The following SGSM1 variants were observed in gnomAD, a reference collection of about 807,000 sequenced individuals.
SGSM1 encodes the protein RUN and TBC1 domain containing 2.
Under a neutral mutation model 133.8 loss-of-function variants are expected in SGSM1, and 73 were observed. The observed-to-expected ratio is 0.55, with a 90% CI of 0.45 to 0.66. The LOEUF is 0.66. SGSM1 is among the 30% of genes least tolerant of loss of function. The probability of loss-of-function intolerance (pLI) is 0.00; values close to 1 mark genes in which losing one functional copy is unlikely to be tolerated. For synonymous variants in SGSM1, 563 were observed against 573.0 expected (o/e 0.98, Z 0.25); for missense variants, 1,213 against 1,448.1 (o/e 0.84, Z 2.64).
At chr22:24,904,832 AG>A (rs1387773799) in intron 20 of SGSM1, among the ~76,000 whole-genome samples, 2 of 152,186 alleles carry the variant, frequency 1.3e-5, no homozygotes, top group African/African-American at 4.8e-5. Flanking sequence ...TTGTACCCCC[AG>A]TAAAGGAGTT....
intron 2 of SGSM1, among the ~76,000 whole-genome samples, chr22:24,809,831 A>C (rs762792632): frequency 1.2e-4 from 19 of 152,182 alleles, no homozygotes; most frequent in Middle Eastern, 3.2e-3. Context: ...TGTGAAGGAG[A>C]GGCACCCGGG....
intron 3 of SGSM1, among the ~76,000 whole-genome samples, chr22:24,845,951 TTC>T (rs1437585541): frequency 4.9e-5 from 4 of 81,066 alleles, no homozygotes; most frequent in African/African-American, 1.6e-4. Context: ...TTTTCTTTCT[TTC>T]TTTCTTTCTT....
At chr22:24,814,899 C>G (rs1205196923) in intron 2 of SGSM1, among the ~76,000 whole-genome samples, 1 of 152,194 alleles carries the variant, frequency 6.6e-6, no homozygotes, top group East Asian at 1.9e-4. Context: ...GGGAGGGCAG[C>G]TGGGTCTTCC....
chr22:24,807,888 CGTGTGTGTGT>C (rs71189301), intron 2 of SGSM1, among the ~76,000 whole-genome samples: 6 of 147,666 alleles, frequency 4.1e-5, no homozygotes, highest in African/African-American at 1.0e-4. Flanking sequence ...TATGTGCCTG[CGTGTGTGTGT>C]GTGTGTGTGT....
At chr22:24,817,596 C>T (rs1483713320) in intron 2 of SGSM1, among the ~76,000 whole-genome samples, 1 of 152,162 alleles carries the variant, frequency 6.6e-6, no homozygotes, top group Non-Finnish European at 1.5e-5. Context: ...CGCGATCTTC[C>T]CACCTCAGCC....
intron 5 of SGSM1, among the ~76,000 whole-genome samples, chr22:24,854,762 G>C (rs986218290): frequency 6.6e-6 from 1 of 152,190 alleles, no homozygotes; most frequent in Non-Finnish European, 1.5e-5. Flanking sequence ...GTTACAGTGC[G>C]CTTTGATTGT....
chr22:24,838,234 T>TGATCACTGCACAGAAAGCC (rs1569141049), intron 2 of SGSM1, among the ~76,000 whole-genome samples: 2 of 152,234 alleles, frequency 1.3e-5, no homozygotes, highest in East Asian at 3.8e-4. Context: ...TAGGTCCTGC[T>TGATCACTGCACAGAAAGCC]GATCACTGCA....
chr22:24,868,938 G>A (rs1465935126), intron 12 of SGSM1, 83 bp downstream of exon 12: 1 of 1,547,560 alleles, frequency 6.5e-7, no homozygotes, highest in Non-Finnish European at 8.7e-7. Flanking sequence ...ACTAGAAGAT[G>A]ACAGGTCTGG....
At chr22:24,920,073 T>C in intron 24 of SGSM1, 80 bp downstream of exon 24, 2 of 1,409,794 alleles carry the variant, frequency 1.4e-6, no homozygotes, top group Admixed American at 2.1e-5. Context: ...GGAATGAAGA[T>C]GGGCTGAGAT....
chr22:24,867,020 G>C (rs530810011), intron 9 of SGSM1, 73 bp from the exon 10 acceptor site: 3 of 1,449,190 alleles, frequency 2.1e-6, no homozygotes, highest in African/African-American at 2.8e-5. Flanking sequence ...GTTGTGGTCT[G>C]CTGGCCTCTG....
chr22:24,885,674 G>A (rs563277827), intron 15 of SGSM1, among the ~76,000 whole-genome samples: 67 of 150,566 alleles, frequency 4.4e-4, no homozygotes, highest in African/African-American at 1.4e-3. Flanking sequence ...CGCCTGCCTC[G>A]GTCTCCCAAA....
chr22:24,809,000 G>T (rs1432529001), intron 2 of SGSM1, among the ~76,000 whole-genome samples: 1 of 152,236 alleles, frequency 6.6e-6, no homozygotes, highest in Non-Finnish European at 1.5e-5. Context: ...CTACTGTACA[G>T]ATGAGAACAC....
intron 2 of SGSM1, among the ~76,000 whole-genome samples, chr22:24,808,350 C>T (rs1170672708): frequency 6.6e-6 from 1 of 152,098 alleles, no homozygotes; most frequent in Non-Finnish European, 1.5e-5. Flanking sequence ...CTCCTGACCT[C>T]GTGATCGCCT....
intron 12 of SGSM1, among the ~76,000 whole-genome samples, chr22:24,871,344 TG>T (rs950379165): frequency 6.6e-6 from 1 of 152,150 alleles, no homozygotes; most frequent in African/African-American, 2.4e-5. Flanking sequence ...CTCTGTAGAA[TG>T]GGGTAACAGC....
chr22:24,883,655 G>A (rs958081020), intron 14 of SGSM1, among the ~76,000 whole-genome samples: 4 of 152,240 alleles, frequency 2.6e-5, no homozygotes, highest in African/African-American at 9.6e-5. Flanking sequence ...GAGTCATGGC[G>A]TTTAGTAAGA....
At chr22:24,827,820 C>T (rs981040854) in intron 2 of SGSM1, among the ~76,000 whole-genome samples, 2 of 152,100 alleles carry the variant, frequency 1.3e-5, no homozygotes, top group African/African-American at 4.8e-5. Flanking sequence ...GAGGATTCGA[C>T]TCCAAGTCAG....
chr22:24,868,131 G>A (rs374673623), intron 10 of SGSM1, among the ~76,000 whole-genome samples: 1 of 152,140 alleles, frequency 6.6e-6, no homozygotes, highest in Non-Finnish European at 1.5e-5. Context: ...TAATGTCAGG[G>A]AGGTCAACTC....
chr22:24,860,602 C>A (rs966299989), intron 9 of SGSM1, among the ~76,000 whole-genome samples: 5 of 151,932 alleles, frequency 3.3e-5, no homozygotes, highest in African/African-American at 1.2e-4. Flanking sequence ...ATCCCCTTCT[C>A]CCCAATAATA....
chr22:24,900,819 C>T (rs1427871854), intron 19 of SGSM1, among the ~76,000 whole-genome samples: 1 of 152,194 alleles, frequency 6.6e-6, no homozygotes, highest in Non-Finnish European at 1.5e-5. Flanking sequence ...ACTCCTGGCA[C>T]CTTCTTTCTC....
Sources: allele counts gnomAD v4.1 joint callset (sites outside exome capture counted in the v4.1 genomes callset), GRCh38; gene constraint gnomAD v4.1.1; transcripts MANE v1.5; gene names NCBI Gene and HGNC (gene_info 2026-07-23, HGNC 2026-07-21).